Variants in RORA observed in about 807,000 individuals in gnomAD.
RORA encodes the protein nuclear receptor ROR-alpha.
Under a neutral mutation model 69.5 loss-of-function variants are expected in RORA, and 7 were observed. The observed-to-expected ratio is 0.10, with a 90% CI of 0.06 to 0.19. The LOEUF is 0.19. RORA is among the 10% of genes least tolerant of loss of function. The probability of loss-of-function intolerance (pLI) is 1.00; values close to 1 mark genes in which losing one functional copy is unlikely to be tolerated. For synonymous variants in RORA, 261 were observed against 240.8 expected (o/e 1.08, Z -0.78); for missense variants, 457 against 663.0 (o/e 0.69, Z 3.41).
At chr15:60,917,628 C>A (rs1891918010) in intron 1 of RORA, among the ~76,000 whole-genome samples, 1 of 152,190 alleles carries the variant, frequency 6.6e-6, no homozygotes, top group African/African-American at 2.4e-5. Context: ...GCTGTGTTTG[C>A]TGGGCCAGAG....
chr15:60,969,010 C>T (rs1893636452), intron 1 of RORA, among the ~76,000 whole-genome samples: 1 of 152,078 alleles, frequency 6.6e-6, no homozygotes, highest in Admixed American at 6.5e-5. Flanking sequence ...AAAATACGTC[C>T]CTCAATTTGG....
chr15:61,000,652 T>C (rs140391915), intron 1 of RORA, among the ~76,000 whole-genome samples: 1 of 152,236 alleles, frequency 6.6e-6, no homozygotes, highest in Non-Finnish European at 1.5e-5. Flanking sequence ...GTTAGTGGAA[T>C]TGGGGTGGTT....
intron 1 of RORA, among the ~76,000 whole-genome samples, chr15:61,022,693 A>C (rs1895592796): frequency 1.3e-5 from 2 of 152,222 alleles, no homozygotes; most frequent in African/African-American, 4.8e-5. Context: ...ACATTGTGGC[A>C]AAGAGTGTAC....
intron 1 of RORA, among the ~76,000 whole-genome samples, chr15:61,183,344 G>A (rs2079706502): frequency 1.3e-5 from 2 of 152,314 alleles, no homozygotes; most frequent in South Asian, 4.1e-4. Context: ...AGGCCAGCCT[G>A]GCCAACATGG....
chr15:60,792,363 TAG>T (rs1288061325), intron 1 of RORA, among the ~76,000 whole-genome samples: 1 of 152,022 alleles, frequency 6.6e-6, no homozygotes, highest in African/African-American at 2.4e-5. Context: ...AGAAGAACAG[TAG>T]AGAGAGAATG....
At position 60,851,404 on chromosome 15, in the gene RORA, C is replaced by T. The variant is rs141093222; in HGVS notation, c.167-172718G>A. On this transcript the variant is annotated intron_variant, in intron 1 of 10. Transcript: ENST00000335670. ...ACACATTAGGGCCCCTGGGTGTGAG[C>T]GTGAAAGGCCTCAACGGGGTTGCAT... 3.6e-3 allele frequency among the ~76,000 whole-genome samples: 545 copies of T among 152,186 alleles called. 1 individual carries two copies. The highest frequency in any genetic ancestry group is 5.9e-3 in the Non-Finnish European group (399 of 68,008).
intron 1 of RORA, among the ~76,000 whole-genome samples, chr15:60,854,163 G>A (rs1049371800): frequency 3.3e-5 from 5 of 152,082 alleles, no homozygotes; most frequent in African/African-American, 1.2e-4. Context: ...TTGGGAGGCT[G>A]AGGCTGGAGA....
At chr15:61,007,731 TTTATA>T (rs1894953185) in intron 1 of RORA, among the ~76,000 whole-genome samples, 2 of 148,764 alleles carry the variant, frequency 1.3e-5, no homozygotes, top group Non-Finnish European at 3.0e-5. Context: ...TATTATATAT[TTTATA>T]TAACATTAGC....
intron 2 of RORA, among the ~76,000 whole-genome samples, chr15:60,628,672 T>C (rs1417536644): frequency 6.6e-6 from 1 of 152,208 alleles, no homozygotes; most frequent in Non-Finnish European, 1.5e-5. Context: ...TTGAACTGAA[T>C]AGAATTCAAG....
At chr15:61,087,362 A>G (rs1012330483) in intron 1 of RORA, among the ~76,000 whole-genome samples, 4 of 152,256 alleles carry the variant, frequency 2.6e-5, no homozygotes, top group Non-Finnish European at 4.4e-5. Context: ...AATCCTGTCA[A>G]GCCAATGTCA....
In RORA at chr15:60,503,589, T is replaced by C; in HGVS notation, c.1021A>G (p.Ile341Val). The change falls in exon 7 of 11, where the codon ATT becomes GTT. Residue 341 changes from isoleucine to valine, a missense_variant. Ile to Val is a conservative substitution (Grantham distance 29). Coordinates refer to ENST00000335670, the MANE Select transcript of RORA (RefSeq NM_134261.3). ...TGACACAGTTCCATAAATCCATCAA[T>C]GCGTTTGGCAAACTCCACCACATAC... ...IQYVVEFAKR[I>V]DGFMELCQND... 1 of 1,614,186 alleles carries C rather than the reference T, an allele frequency of 6.2e-7. No homozygotes were observed. The highest frequency in any genetic ancestry group is 8.5e-7 in the Non-Finnish European group (1 of 1,180,012).
At chr15:60,623,277 G>A (rs1236345037) in intron 2 of RORA, among the ~76,000 whole-genome samples, 1 of 152,034 alleles carries the variant, frequency 6.6e-6, no homozygotes, top group Non-Finnish European at 1.5e-5. Context: ...ATCTGGAGAG[G>A]GGTCAGTCTA....
intron 1 of RORA, among the ~76,000 whole-genome samples, chr15:61,195,555 C>T (rs2079839142): frequency 6.6e-6 from 1 of 152,170 alleles, no homozygotes; most frequent in African/African-American, 2.4e-5. Context: ...CCACATGGAC[C>T]TCAGCCTCTT....
intron 1 of RORA, among the ~76,000 whole-genome samples, chr15:61,085,001 T>C (rs1463514922): frequency 1.3e-5 from 2 of 152,274 alleles, no homozygotes; most frequent in East Asian, 3.9e-4. Flanking sequence ...ACTGACATGA[T>C]AACGGGGGAG....
chr15:60,678,782 T>A, intron 1 of RORA, 96 bp from the exon 2 acceptor site: 4 of 1,034,236 alleles, frequency 3.9e-6, no homozygotes, highest in Non-Finnish European at 6.0e-6. Flanking sequence ...AGGCGTTTAG[T>A]TCAGATGGGG....
chr15:60,998,437 G>A (rs1261241549), intron 1 of RORA, among the ~76,000 whole-genome samples: 5 of 147,666 alleles, frequency 3.4e-5, no homozygotes, highest in Non-Finnish European at 7.4e-5. Flanking sequence ...TGGCTCCTTT[G>A]CCCAGGCTGG....
chr15:61,092,091 C>T (rs1249451840), intron 1 of RORA, among the ~76,000 whole-genome samples: 1 of 152,190 alleles, frequency 6.6e-6, no homozygotes, highest in African/African-American at 2.4e-5. Context: ...CTTGGGCCAA[C>T]ACAATGTATT....
chr15:61,225,538 G>C (rs2080137907), intron 1 of RORA, among the ~76,000 whole-genome samples: 2 of 152,136 alleles, frequency 1.3e-5, no homozygotes, highest in African/African-American at 4.8e-5. Flanking sequence ...AGCTTCCAGG[G>C]GGTTCGATCT....
intron 1 of RORA, among the ~76,000 whole-genome samples, chr15:60,838,893 CT>C (rs5813042): frequency 0.76 from 106,363 of 139,306 alleles, 42,891 homozygotes; most frequent in Non-Finnish European, 0.9. Flanking sequence ...CACACATATA[CT>C]TTTTTTTTTT....
Sources: gnomAD v4.1 joint callset for allele counts (sites outside exome capture counted in the v4.1 genomes callset) on GRCh38, gnomAD v4.1.1 for gene constraint, MANE v1.5 for transcripts, NCBI Gene and HGNC (gene_info 2026-07-23, HGNC 2026-07-21) for gene names.